ESRRG: variants seen among roughly 807,000 people sequenced by gnomAD.
The protein encoded by ESRRG is estrogen-related receptor gamma.
ESRRG carries 13 observed loss-of-function variants against 44.0 expected under a neutral mutation model. That is an observed-to-expected ratio of 0.30 (90% CI 0.19 to 0.47). The LOEUF (loss-of-function observed/expected upper bound fraction) is 0.47, where lower values mean the gene tolerates loss of function less well. Among genes scored for constraint, ESRRG ranks in the 20% least tolerant of loss-of-function variants. ESRRG has a pLI of 1.00. For missense variants in ESRRG, 395 were observed against 580.6 expected, an observed-to-expected ratio of 0.68 and a Z score of 3.29; for synonymous variants, 215 against 214.6, an observed-to-expected ratio of 1.00 and a Z score of -0.02.
chr1:216,974,998 T>C (rs1156266208), intron 1 of ESRRG, among the ~76,000 whole-genome samples: 1 of 152,172 alleles, frequency 6.6e-6, no homozygotes, highest in East Asian at 1.9e-4. Context: ...AAGCATCATA[T>C]GATATCTGCT....
intron 1 of ESRRG, among the ~76,000 whole-genome samples, chr1:217,107,729 G>T (rs2092614931): frequency 6.6e-6 from 1 of 151,962 alleles, no homozygotes; most frequent in East Asian, 1.9e-4. Context: ...TATGCACAAG[G>T]GCCATAGGAT....
At chr1:216,723,181 C>T in intron 1 of ESRRG, 63 bp downstream of exon 1, 1 of 1,364,248 alleles carries the variant, frequency 7.3e-7, no homozygotes, top group Non-Finnish European at 1.0e-6. Context: ...AAGATATAGT[C>T]TGTCCGCCCC....
chr1:216,508,151 A>G (rs1177785415), intron 6 of ESRRG, among the ~76,000 whole-genome samples: 1 of 152,204 alleles, frequency 6.6e-6, no homozygotes, highest in African/African-American at 2.4e-5. Context: ...TAGTTAGCCT[A>G]ATCTTTCATA....
chr1:216,796,595 A>T (rs1446958348), intron 2 of ESRRG, among the ~76,000 whole-genome samples: 1 of 152,186 alleles, frequency 6.6e-6, no homozygotes, highest in African/African-American at 2.4e-5. Context: ...TCTTTAAAAA[A>T]GAAAAAGTCC....
Position 217,060,588 on chromosome 1 carries a change from C to T in ESRRG, c.-106+28919G>A, listed in dbSNP as rs78372219. Among the ~76,000 whole-genome samples, 1,092 of 152,112 alleles carry T rather than the reference C, an allele frequency of 7.2e-3. 6 individuals are homozygous for T. The highest frequency in any genetic ancestry group is 9.5e-3 in the Non-Finnish European group (649 of 67,970). On this transcript the variant is annotated intron_variant, in intron 1 of 7. Coordinates refer to the ESRRG transcript ENST00000359162. Reference sequence around the variant, plus strand: ...GGTGAAGAGTGATGGGTTGGTGCCACGTTCCTGGATTCAGCCACCTTAACC... The same window carrying T: ...GGTGAAGAGTGATGGGTTGGTGCCATGTTCCTGGATTCAGCCACCTTAACC...
In ESRRG at chr1:216,600,268, T is replaced by C. The variant is rs559742994; in HGVS notation, c.590-32170A>G. On this transcript the variant is annotated intron_variant, in intron 3 of 6. Transcript: ENST00000408911. ...ATGTAATACTATAATGGTAGATACG[T>C]GTCATTATACATTTGTCAAAACCCA... Among the ~76,000 whole-genome samples the C allele has an allele frequency of 2.4e-4, 36 of 152,292 alleles. 1 individual carries two copies. The South Asian group carries it at 7.5e-3, about 32-fold the overall frequency.
intron 1 of ESRRG, among the ~76,000 whole-genome samples, chr1:217,112,579 T>G (rs1476501435): frequency 6.6e-6 from 1 of 152,198 alleles, no homozygotes; most frequent in Non-Finnish European, 1.5e-5. Context: ...TTTTTGTAGT[T>G]GCCTATAATA....
chr1:217,066,149 C>T (rs1261518592), intron 1 of ESRRG, among the ~76,000 whole-genome samples: 1 of 152,140 alleles, frequency 6.6e-6, no homozygotes, highest in South Asian at 2.1e-4. Context: ...GCTCAATTAG[C>T]CACAACATAC....
At chr1:217,085,440 T>C (rs1310592133) in intron 1 of ESRRG, among the ~76,000 whole-genome samples, 1 of 151,148 alleles carries the variant, frequency 6.6e-6, no homozygotes, top group Non-Finnish European at 1.5e-5. Context: ...AAGATTGTTC[T>C]GGAGAAAGAT....
chr1:216,614,434 G>A (rs895096231), intron 3 of ESRRG, among the ~76,000 whole-genome samples: 1 of 151,930 alleles, frequency 6.6e-6, no homozygotes, highest in African/African-American at 2.4e-5. Context: ...AATACAGCCT[G>A]TTAGCTCCAA....
chr1:216,973,818 C>T (rs2072257541), intron 1 of ESRRG, among the ~76,000 whole-genome samples: 1 of 134,680 alleles, frequency 7.4e-6, no homozygotes, highest in South Asian at 2.4e-4. Flanking sequence ...AAGAGTGAAA[C>T]TCTGTCTCAA....
At chr1:216,768,550 C>T (rs1214311663) in intron 2 of ESRRG, among the ~76,000 whole-genome samples, 1 of 151,904 alleles carries the variant, frequency 6.6e-6, no homozygotes. Context: ...AATGCAGTAG[C>T]ACAATCATAG....
intron 3 of ESRRG, among the ~76,000 whole-genome samples, chr1:216,632,723 AT>A (rs947364593): frequency 4.0e-5 from 6 of 151,268 alleles, no homozygotes; most frequent in Admixed American, 6.6e-5. Flanking sequence ...AGGTTTTTTT[AT>A]TTTTTTTTAA....
At chr1:216,857,069 A>G (rs1213852651) in intron 2 of ESRRG, among the ~76,000 whole-genome samples, 1 of 152,128 alleles carries the variant, frequency 6.6e-6, no homozygotes, top group Non-Finnish European at 1.5e-5. Context: ...ATTACAATTA[A>G]TGCCAGTGGA....
intron 1 of ESRRG, among the ~76,000 whole-genome samples, chr1:216,974,446 T>C (rs2072434941): frequency 1.3e-5 from 2 of 152,150 alleles, no homozygotes; most frequent in African/African-American, 4.8e-5. Flanking sequence ...CAGGTATTCA[T>C]TTTCCAAAGG....
intron 1 of ESRRG, among the ~76,000 whole-genome samples, chr1:217,012,036 A>G (rs1166668509): frequency 6.6e-6 from 1 of 152,180 alleles, no homozygotes; most frequent in Non-Finnish European, 1.5e-5. Flanking sequence ...TGCAATTGAA[A>G]AGGGACTCTT....
chr1:216,813,832 A>C (rs1460601711), intron 2 of ESRRG, among the ~76,000 whole-genome samples: 1 of 152,216 alleles, frequency 6.6e-6, no homozygotes, highest in Non-Finnish European at 1.5e-5. Context: ...CTCAGAAAAC[A>C]CACTCATTCC....
At chr1:216,928,984 C>T (rs2062952910) in intron 2 of ESRRG, among the ~76,000 whole-genome samples, 1 of 152,052 alleles carries the variant, frequency 6.6e-6, no homozygotes, top group Non-Finnish European at 1.5e-5. Context: ...TGAATAGGTA[C>T]AGAGTTTCAA....
intron 1 of ESRRG, among the ~76,000 whole-genome samples, chr1:216,694,718 G>C (rs1482091338): frequency 6.6e-6 from 1 of 151,914 alleles, no homozygotes; most frequent in East Asian, 1.9e-4. Context: ...CACCACACCT[G>C]GCTAATTTTT....
Sources: allele counts gnomAD v4.1 joint callset (sites outside exome capture counted in the v4.1 genomes callset), GRCh38; gene constraint gnomAD v4.1.1; transcripts MANE v1.5; gene names NCBI Gene and HGNC (gene_info 2026-07-23, HGNC 2026-07-21).